Variants in MCTP1 observed in about 807,000 individuals in gnomAD.
MCTP1 encodes multiple C2 and transmembrane domain containing 1.
MCTP1 carries 69 observed loss-of-function variants against 120.6 expected under a neutral mutation model. The observed-to-expected ratio is 0.57, with a 90% CI of 0.47 to 0.70. The LOEUF (loss-of-function observed/expected upper bound fraction) is 0.70, where lower values mean the gene tolerates loss of function less well. Ranked by LOEUF, MCTP1 falls within the 30% of genes least tolerant of loss-of-function variation. The pLI is 0.00. For missense variants in MCTP1, 1,203 were observed against 1,248.8 expected (o/e 0.96, Z 0.55); for synonymous variants, 529 against 493.1 (o/e 1.07, Z -0.96).
intron 19 of MCTP1, among the ~76,000 whole-genome samples, chr5:94,766,579 G>A (rs1247036480): frequency 3.3e-5 from 5 of 151,952 alleles, no homozygotes; most frequent in Non-Finnish European, 7.4e-5. Flanking sequence ...GCTAAATGAC[G>A]AGTTAACGGA....
At chr5:94,789,726 A>G (rs1453566635) in intron 18 of MCTP1, 1 of 152,140 alleles carries the variant, frequency 6.6e-6, no homozygotes, top group Non-Finnish European at 1.5e-5. Context: ...TGCACCTATT[A>G]TATTCATGTA....
chr5:94,715,363 CAAAAAAAAAAAA>C (rs35567390), intron 19 of MCTP1, among the ~76,000 whole-genome samples: 2 of 70,526 alleles, frequency 2.8e-5, no homozygotes, highest in Non-Finnish European at 2.6e-5. Context: ...ATGAAAACTA[CAAAAAAAAAAAA>C]AAAAAAAAAA....
chr5:94,819,746 A>C (rs1687831328), intron 17 of MCTP1, among the ~76,000 whole-genome samples: 1 of 152,156 alleles, frequency 6.6e-6, no homozygotes. Flanking sequence ...CTCAGGCCAA[A>C]ATTTTACCTA....
intron 17 of MCTP1, among the ~76,000 whole-genome samples, chr5:94,844,316 A>G (rs1791822548): frequency 1.3e-5 from 2 of 151,102 alleles, no homozygotes; most frequent in South Asian, 4.2e-4. Context: ...AAAAAAAAAA[A>G]AAAAAGAAAA....
intron 1 of MCTP1, among the ~76,000 whole-genome samples, chr5:95,219,561 G>A (rs573221314): frequency 9.2e-5 from 14 of 152,094 alleles, no homozygotes; most frequent in East Asian, 1.9e-4. Context: ...GACTCCCTAC[G>A]GTCTTTAGGT....
At chr5:95,038,084 T>C (rs370498833) in intron 1 of MCTP1, 1 of 980,848 alleles carries the variant, frequency 1.0e-6, no homozygotes, top group Non-Finnish European at 1.2e-6. Context: ...TTTTATCCTT[T>C]CAAACATTCG....
chr5:95,021,040 C>T (rs572586529), intron 1 of MCTP1, among the ~76,000 whole-genome samples: 2 of 152,128 alleles, frequency 1.3e-5, no homozygotes, highest in East Asian at 3.9e-4. Flanking sequence ...TTGTATTCTT[C>T]CTGATGAAGC....
chr5:95,125,958 C>A (rs550940764), intron 1 of MCTP1, among the ~76,000 whole-genome samples: 3 of 152,306 alleles, frequency 2.0e-5, no homozygotes, highest in African/African-American at 7.2e-5. Flanking sequence ...TTATAAAAAT[C>A]TAACACAAAG....
chr5:94,950,719 C>T lies in MCTP1; in HGVS notation c.981+2500G>A, dbSNP rs1329335317. On this transcript the variant is annotated intron_variant, in intron 3 of 22. Transcript: ENST00000515393. ...CTGTAATCCCAGCACTTTGGGAGGC[C>T]GAGGAGGGCAGATCACGAGATCAGG... 4.6e-5 allele frequency among the ~76,000 whole-genome samples: 7 copies of T among 151,838 alleles called. No individual in the cohort carries two copies. The East Asian group carries it at 1.2e-3, about 25-fold the overall frequency.
chr5:94,780,561 A>G (rs1251254322), intron 18 of MCTP1, among the ~76,000 whole-genome samples: 1 of 152,098 alleles, frequency 6.6e-6, no homozygotes, highest in Non-Finnish European at 1.5e-5. Context: ...GAGGTCTTTC[A>G]TTTGGACATT....
intron 2 of MCTP1, among the ~76,000 whole-genome samples, chr5:94,999,501 C>G (rs2567929): frequency 0.99 from 151,088 of 152,322 alleles, 74,950 homozygotes; most frequent in Middle Eastern, 1. Flanking sequence ...GTATTGATTG[C>G]CCTTGTCTAT....
chr5:95,107,381 G>A (rs572012813), intron 1 of MCTP1, among the ~76,000 whole-genome samples: 119 of 152,184 alleles, frequency 7.8e-4, no homozygotes, highest in African/African-American at 2.8e-3. Context: ...CATAAAACTA[G>A]ATGAGTCAAA....
intron 17 of MCTP1, among the ~76,000 whole-genome samples, chr5:94,849,321 G>A (rs545206903): frequency 1.1e-4 from 17 of 152,166 alleles, no homozygotes; most frequent in Middle Eastern, 3.4e-3. Flanking sequence ...GTAATAACAC[G>A]TTAATAGAAC....
chr5:95,211,644 T>A (rs1025806167), intron 1 of MCTP1, among the ~76,000 whole-genome samples: 6 of 152,182 alleles, frequency 3.9e-5, no homozygotes, highest in African/African-American at 1.4e-4. Context: ...CTCAGAGTAG[T>A]TTGATCATCT....
At chr5:94,728,894 C>T (rs75182518) in intron 19 of MCTP1, among the ~76,000 whole-genome samples, 7,745 of 152,226 alleles carry the variant, frequency 0.051, 282 homozygotes, top group Non-Finnish European at 0.08. Flanking sequence ...TATTCATTTA[C>T]TCAATAAATA....
At position 95,120,423 on chromosome 5, in the gene MCTP1, C is replaced by G. The variant is rs1273775510; in HGVS notation, c.721-102939G>C. Among the ~76,000 whole-genome samples the G allele has an allele frequency of 5.9e-5, 9 of 151,804 alleles. No homozygotes were observed. The South Asian group carries it at 1.9e-3, about 32-fold the overall frequency. ...CCAATATCACTTATGAATATTGATC[C>G]AAAAATTCTCAACAAAATACCAGCA... On this transcript the variant is annotated intron_variant, in intron 1 of 22. Transcript: ENST00000515393.
intron 18 of MCTP1, among the ~76,000 whole-genome samples, chr5:94,793,111 G>C (rs1055533224): frequency 3.9e-5 from 6 of 152,206 alleles, no homozygotes; most frequent in Non-Finnish European, 7.3e-5. Flanking sequence ...TCTACTGAGA[G>C]GGAGGGGACA....
At chr5:94,721,881 G>A (rs572043278) in intron 19 of MCTP1, among the ~76,000 whole-genome samples, 19 of 132,578 alleles carry the variant, frequency 1.4e-4, no homozygotes, top group African/African-American at 5.4e-4. Context: ...GGTTTCTTTT[G>A]AAGGTGAAAA....
rs558506469 is a variant in MCTP1, at chr5:94,996,787, T to C, written c.838+20580A>G. Among the ~76,000 whole-genome samples, 8 of 152,334 alleles carry C rather than the reference T, an allele frequency of 5.3e-5. No homozygotes were observed. In the South Asian group the frequency reaches 6.2e-4, roughly 12 times the overall value. On this transcript the variant is annotated intron_variant, in intron 2 of 22. Coordinates refer to ENST00000515393, the MANE Select transcript of MCTP1 (RefSeq NM_024717.7). ...TGAGTTTTGATATTAACAGTAGTTG[T>C]ATTGCTTTGTCATGCCAATATAAAT...
Sources: allele counts gnomAD v4.1 joint callset (sites outside exome capture counted in the v4.1 genomes callset), GRCh38; gene constraint gnomAD v4.1.1; transcripts MANE v1.5; gene names NCBI Gene and HGNC (gene_info 2026-07-23, HGNC 2026-07-21).